The following CDH13 variants were observed in gnomAD, a reference collection of about 807,000 sequenced individuals.
CDH13 encodes the protein cadherin 13.
CDH13 carries 24 observed loss-of-function variants against 63.8 expected under a neutral mutation model. The ratio of observed to expected loss-of-function variants is 0.38; its 90% CI spans 0.27 to 0.53. CDH13 has a LOEUF of 0.53. Among genes scored for constraint, CDH13 ranks in the 20% least tolerant of loss-of-function variants. CDH13 has a pLI of 0.85. For synonymous variants in CDH13, 503 were observed against 355.3 expected (o/e 1.42, Z -4.67); for missense variants, 1,049 against 903.1 (o/e 1.16, Z -2.07).
At chr16:82,694,661 T>C (rs1270598508) in intron 1 of CDH13, among the ~76,000 whole-genome samples, 1 of 152,192 alleles carries the variant, frequency 6.6e-6, no homozygotes, top group East Asian at 1.9e-4. Flanking sequence ...CCAAAATATT[T>C]CCCTTTTCTG....
intron 6 of CDH13, among the ~76,000 whole-genome samples, chr16:83,446,330 AAG>A (rs1874265819): frequency 6.6e-6 from 1 of 151,904 alleles, no homozygotes; most frequent in Admixed American, 6.6e-5. Flanking sequence ...AGAAAGAAAA[AAG>A]AAAAAATTAG....
intron 8 of CDH13, among the ~76,000 whole-genome samples, chr16:83,666,423 GT>G (rs946237966): frequency 1.3e-5 from 2 of 152,136 alleles, no homozygotes; most frequent in Admixed American, 6.5e-5. Flanking sequence ...TGTGTTGAAT[GT>G]TTTCCATATT....
chr16:83,481,773 T>G (rs904256512), intron 6 of CDH13, among the ~76,000 whole-genome samples: 1 of 152,144 alleles, frequency 6.6e-6, no homozygotes, highest in African/African-American at 2.4e-5. Context: ...AGGAGAGTAT[T>G]GTGACGGGGG....
intron 2 of CDH13, among the ~76,000 whole-genome samples, chr16:82,933,123 G>A (rs17743405): frequency 4.6e-5 from 7 of 151,968 alleles, no homozygotes; most frequent in Non-Finnish European, 1.0e-4. Flanking sequence ...GCAGTTACAT[G>A]TTGTATTAGT....
chr16:83,683,304 A>G (rs1915554924), intron 10 of CDH13, among the ~76,000 whole-genome samples: 1 of 152,256 alleles, frequency 6.6e-6, no homozygotes, highest in South Asian at 2.1e-4. Flanking sequence ...TCCTTATTAT[A>G]AAGTTAAGAT....
At chr16:83,051,758 A>T (rs1012938552) in intron 3 of CDH13, among the ~76,000 whole-genome samples, 3 of 152,164 alleles carry the variant, frequency 2.0e-5, no homozygotes, top group Non-Finnish European at 2.9e-5. Context: ...TCTAGTTATG[A>T]CTTGTATTAT....
intron 5 of CDH13, among the ~76,000 whole-genome samples, chr16:83,338,268 C>CTACA (rs2151909254): frequency 6.6e-6 from 1 of 151,480 alleles, no homozygotes; most frequent in East Asian, 1.9e-4. Context: ...TCATTTAAGG[C>CTACA]TACAGAGTCC....
At chr16:82,700,513 G>C (rs541749944) in intron 1 of CDH13, among the ~76,000 whole-genome samples, 919 of 87,256 alleles carry the variant, frequency 0.011, 8 homozygotes, top group African/African-American at 0.04. Flanking sequence ...AAGAATTAGG[G>C]CTAGTAAGTG....
At chr16:83,281,794 T>C (rs2089183591) in intron 5 of CDH13, among the ~76,000 whole-genome samples, 1 of 150,384 alleles carries the variant, frequency 6.6e-6, no homozygotes, top group Admixed American at 6.6e-5. Flanking sequence ...GCACCTGTAA[T>C]CCCAGCTACT....
At chr16:82,730,702 TC>T (rs1246508424) in intron 1 of CDH13, among the ~76,000 whole-genome samples, 1 of 152,228 alleles carries the variant, frequency 6.6e-6, no homozygotes, top group Non-Finnish European at 1.5e-5. Context: ...CCAGAAACCT[TC>T]AATTTGTAAA....
intron 8 of CDH13, among the ~76,000 whole-genome samples, chr16:83,664,193 C>T (rs1598433980): frequency 1.3e-5 from 2 of 152,038 alleles, no homozygotes; most frequent in Non-Finnish European, 1.5e-5. Context: ...TCACCAATGA[C>T]TAGGACTATG....
intron 8 of CDH13, among the ~76,000 whole-genome samples, chr16:83,648,916 A>C (rs1270995300): frequency 6.6e-6 from 1 of 151,600 alleles, no homozygotes; most frequent in Non-Finnish European, 1.5e-5. Flanking sequence ...CTTTTTCTGC[A>C]CTCTATCCCC....
chr16:83,482,557 A>G (rs1309031191), intron 6 of CDH13, among the ~76,000 whole-genome samples: 2 of 152,244 alleles, frequency 1.3e-5, no homozygotes, highest in Non-Finnish European at 2.9e-5. Flanking sequence ...AATTTAGAGA[A>G]TGCTGGTTTA....
intron 7 of CDH13, among the ~76,000 whole-genome samples, chr16:83,533,332 T>C (rs948645629): frequency 1.3e-5 from 2 of 152,128 alleles, no homozygotes; most frequent in African/African-American, 4.8e-5. Context: ...GGAAGATAAA[T>C]ACTGAGATGC....
chr16:83,040,979 C>T (rs1004621390), intron 3 of CDH13, among the ~76,000 whole-genome samples: 3 of 152,136 alleles, frequency 2.0e-5, no homozygotes, highest in Admixed American at 6.5e-5. Context: ...GAACTTACAC[C>T]ATCACCACTC....
At chr16:83,528,957 G>A (rs915508246) in intron 7 of CDH13, among the ~76,000 whole-genome samples, 11 of 152,026 alleles carry the variant, frequency 7.2e-5, no homozygotes, top group Non-Finnish European at 1.6e-4. Context: ...TTACTAATGG[G>A]GTAGTTATAT....
chr16:83,528,511 T>C (rs138231785), intron 7 of CDH13, among the ~76,000 whole-genome samples: 20 of 152,274 alleles, frequency 1.3e-4, no homozygotes, highest in Admixed American at 1.0e-3. Flanking sequence ...TAGTAGTCCC[T>C]AGTGGGGTCG....
At chr16:82,883,407 G>A (rs963930748) in intron 2 of CDH13, among the ~76,000 whole-genome samples, 1 of 152,196 alleles carries the variant, frequency 6.6e-6, no homozygotes, top group Non-Finnish European at 1.5e-5. Context: ...CTGGGGGAAC[G>A]TGTGCAAATG....
intron 7 of CDH13, among the ~76,000 whole-genome samples, chr16:83,592,021 C>G (rs958331525): frequency 2.0e-5 from 3 of 152,182 alleles, no homozygotes; most frequent in African/African-American, 7.2e-5. Context: ...TCTCTTCCGG[C>G]CTCCACCTCT....
Sources: allele counts gnomAD v4.1 joint callset (sites outside exome capture counted in the v4.1 genomes callset), GRCh38; gene constraint gnomAD v4.1.1; transcripts MANE v1.5; gene names NCBI Gene and HGNC (gene_info 2026-07-23, HGNC 2026-07-21).